Variants in PCSK5 observed in about 807,000 individuals in gnomAD.
PCSK5 encodes prohormone convertase 5.
PCSK5 carries 129 observed loss-of-function variants against 233.2 expected under a neutral mutation model. The observed-to-expected ratio is 0.55, with a 90% CI of 0.48 to 0.64. The LOEUF is 0.64. Ranked by LOEUF, PCSK5 falls within the 30% of genes least tolerant of loss-of-function variation. PCSK5 has a pLI of 0.00. For missense variants in PCSK5, 2,076 were observed against 2,430.1 expected (o/e 0.85, Z 3.06); for synonymous variants, 825 against 879.2 (o/e 0.94, Z 1.09).
chr9:76,181,304 G>A, intron 15 of PCSK5, 94 bp from the exon 16 acceptor site: 1 of 1,020,374 alleles, frequency 9.8e-7, no homozygotes, highest in East Asian at 2.5e-5. Flanking sequence ...TGATTTGGAA[G>A]CTGAGCTCAG....
intron 1 of PCSK5, among the ~76,000 whole-genome samples, chr9:75,928,780 T>C (rs2131273319): frequency 6.6e-6 from 1 of 151,458 alleles, no homozygotes; most frequent in South Asian, 2.1e-4. Context: ...TTTCAGAACC[T>C]TGGAAGAGTT....
At chr9:76,350,960 C>A in intron 36 of PCSK5, 32 bp downstream of exon 36, 1 of 1,127,788 alleles carries the variant, frequency 8.9e-7, no homozygotes, top group African/African-American at 1.5e-5. Context: ...GGGCCTTCTG[C>A]TCTTTCTAGA....
At chr9:76,073,667 C>A (rs1830550359) in intron 7 of PCSK5, among the ~76,000 whole-genome samples, 1 of 152,064 alleles carries the variant, frequency 6.6e-6, no homozygotes, top group Admixed American at 6.5e-5. Flanking sequence ...TCTGGACTTT[C>A]TCATTAATCT....
intron 2 of PCSK5, among the ~76,000 whole-genome samples, chr9:75,953,834 G>A (rs1824975942): frequency 1.3e-5 from 2 of 152,012 alleles, no homozygotes; most frequent in Admixed American, 1.3e-4. Flanking sequence ...AAAAAAATAT[G>A]AGTATGTGGT....
At chr9:76,214,579 G>A (rs1825453967) in intron 20 of PCSK5, among the ~76,000 whole-genome samples, 2 of 152,016 alleles carry the variant, frequency 1.3e-5, no homozygotes, top group South Asian at 4.2e-4. Flanking sequence ...CAAAAAGCAG[G>A]CCTTGGGGAT....
At chr9:76,127,619 T>G (rs1822564895) in intron 9 of PCSK5, among the ~76,000 whole-genome samples, 3 of 152,356 alleles carry the variant, frequency 2.0e-5, no homozygotes, top group Middle Eastern at 3.4e-3. Context: ...CTAAAAAACA[T>G]ATTACTAAAG....
chr9:76,238,482 C>T (rs1025970527), intron 22 of PCSK5, among the ~76,000 whole-genome samples: 8 of 152,156 alleles, frequency 5.3e-5, no homozygotes, highest in African/African-American at 1.4e-4. Flanking sequence ...AGATGGTTAA[C>T]GCAAGCATGT....
intron 3 of PCSK5, among the ~76,000 whole-genome samples, chr9:76,014,637 C>T (rs886855588): frequency 4.6e-5 from 7 of 152,260 alleles, no homozygotes; most frequent in Admixed American, 6.5e-5. Context: ...AATTTCCCAC[C>T]GGACCTATAA....
chr9:76,133,675 C>T (rs1283814542), intron 9 of PCSK5, among the ~76,000 whole-genome samples: 1 of 151,976 alleles, frequency 6.6e-6, no homozygotes. Context: ...TGGTAAATTG[C>T]AGCTCACTTA....
intron 10 of PCSK5, among the ~76,000 whole-genome samples, chr9:76,152,878 G>A (rs933636921): frequency 2.0e-5 from 3 of 152,074 alleles, no homozygotes; most frequent in Non-Finnish European, 4.4e-5. Context: ...CTACTTGTGC[G>A]CCTAACAATT....
intron 25 of PCSK5, among the ~76,000 whole-genome samples, chr9:76,292,642 G>C (rs767166033): frequency 1.3e-5 from 2 of 152,138 alleles, no homozygotes; most frequent in African/African-American, 4.8e-5. Context: ...CAGAGCGAAG[G>C]CTCCAGGGTG....
intron 25 of PCSK5, among the ~76,000 whole-genome samples, chr9:76,293,151 G>A (rs1299669519): frequency 7.2e-6 from 1 of 138,586 alleles, no homozygotes; most frequent in Non-Finnish European, 1.6e-5. Flanking sequence ...TTGTCACATT[G>A]CCTTTTCCCT....
intron 20 of PCSK5, 66 bp downstream of exon 20, chr9:76,189,812 A>C (rs1350073788): frequency 3.7e-6 from 3 of 800,426 alleles, no homozygotes; most frequent in Middle Eastern, 2.3e-4. Context: ...CAGGACTAAT[A>C]TTTTTCCACT....
chr9:76,178,406 A>G (rs935051855), intron 14 of PCSK5, among the ~76,000 whole-genome samples: 1 of 152,204 alleles, frequency 6.6e-6, no homozygotes, highest in Non-Finnish European at 1.5e-5. Context: ...ATTTTTACCT[A>G]AGTATCAGGG....
chr9:76,205,435 T>G (rs1164808198), intron 20 of PCSK5, among the ~76,000 whole-genome samples: 1 of 152,172 alleles, frequency 6.6e-6, no homozygotes, highest in African/African-American at 2.4e-5. Flanking sequence ...GGTACATCAT[T>G]CAGGAATGTC....
chr9:76,096,190 TACACAC>T (rs3074177), intron 8 of PCSK5, 88 bp downstream of exon 8: 18 of 591,686 alleles, frequency 3.0e-5, no homozygotes, highest in Admixed American at 2.5e-4. Context: ...TATATATATA[TACACAC>T]ACACACACAC....
intron 9 of PCSK5, among the ~76,000 whole-genome samples, chr9:76,125,275 GAGA>G (rs1284383724): frequency 1.3e-5 from 2 of 152,152 alleles, no homozygotes; most frequent in Non-Finnish European, 1.5e-5. Flanking sequence ...CCTCTGAAGT[GAGA>G]AGATCATTTC....
chr9:76,125,298 C>A (rs1832802684), intron 9 of PCSK5, among the ~76,000 whole-genome samples: 1 of 152,144 alleles, frequency 6.6e-6, no homozygotes, highest in Non-Finnish European at 1.5e-5. Flanking sequence ...CCTCCCCCTT[C>A]TGACAAAACT....
In PCSK5 at chr9:76,321,616, G is replaced by T. The variant is rs1444678703; in HGVS notation, c.4079G>T (p.Cys1360Phe). ...CATTGCCCAGAGATGTGTCAGGACT[G>T]CATCCATGAGAAAACATGCAAAGGT... ...CKHCPEMCQDCIHEKTCKECT... is the reference protein window; with the variant it reads ...CKHCPEMCQDFIHEKTCKECT... The change falls in exon 31 of 38, where the codon TGC (cysteine) becomes TTC (phenylalanine). Residue 1360 changes from cysteine (C) to phenylalanine (F), a missense_variant. This residue lies in a region of PCSK5 where 1,510 missense variants were observed against 1,538.1 expected (regional missense o/e 0.98). Transcript: ENST00000674117. The T allele has an allele frequency of 2.5e-6, 4 of 1,611,330 alleles. No homozygotes were observed. In the East Asian group the frequency reaches 8.9e-5, roughly 36 times the overall value.
Sources: allele counts gnomAD v4.1 joint callset (sites outside exome capture counted in the v4.1 genomes callset), GRCh38; gene constraint gnomAD v4.1.1; regional missense constraint gnomAD v4.1.1; transcripts MANE v1.5; gene names NCBI Gene and HGNC (gene_info 2026-07-23, HGNC 2026-07-21).